ITGA2: variants seen among roughly 807,000 people sequenced by gnomAD.
ITGA2 encodes the protein integrin alpha-2.
In ITGA2, 101 loss-of-function variants were observed where a neutral mutation model predicts 146.3. The ratio of observed to expected loss-of-function variants is 0.69; its 90% CI spans 0.59 to 0.81. The LOEUF is 0.81. ITGA2 is among the 40% of genes least tolerant of loss of function. ITGA2 has a pLI of 0.00. For synonymous variants in ITGA2, 477 were observed against 487.1 expected (o/e 0.98, Z 0.27); for missense variants, 1,281 against 1,402.7 (o/e 0.91, Z 1.39).
intron 1 of ITGA2, among the ~76,000 whole-genome samples, chr5:53,012,544 T>C (rs153142): frequency 0.22 from 32,874 of 152,082 alleles, 3,870 homozygotes; most frequent in East Asian, 0.38. Context: ...CTATTGTGAA[T>C]AGCACTGCAA....
intron 1 of ITGA2, among the ~76,000 whole-genome samples, chr5:53,019,610 C>G (rs1433198892): frequency 6.6e-6 from 1 of 152,166 alleles, no homozygotes; most frequent in Non-Finnish European, 1.5e-5. Flanking sequence ...ACTCCAACTT[C>G]CACCTCCTGG....
chr5:53,062,011 T>A (rs1340451175), intron 12 of ITGA2, among the ~76,000 whole-genome samples: 9 of 151,868 alleles, frequency 5.9e-5, no homozygotes, highest in Admixed American at 2.0e-4. Flanking sequence ...CATTTCTTAG[T>A]CATTTCTAAA....
intron 1 of ITGA2, among the ~76,000 whole-genome samples, chr5:53,020,362 A>G: frequency 6.6e-6 from 1 of 152,334 alleles, no homozygotes; most frequent in East Asian, 1.9e-4. Flanking sequence ...AAGTGTTATT[A>G]TGTGACCATT....
intron 9 of ITGA2, among the ~76,000 whole-genome samples, chr5:53,057,600 A>G (rs1197236772): frequency 6.6e-6 from 1 of 152,002 alleles, no homozygotes; most frequent in African/African-American, 2.4e-5. Context: ...CATCTGAGAT[A>G]TGTGTACATT....
Position 53,077,959 on chromosome 5 carries a change from T to TC in ITGA2, c.2826-808dup, listed in dbSNP as rs1458013068. 2.0e-5 allele frequency among the ~76,000 whole-genome samples: 3 copies of TC among 151,744 alleles called. No homozygotes were observed. In the East Asian group the frequency reaches 5.8e-4, roughly 29 times the overall value. On this transcript the variant is annotated intron_variant, in intron 23 of 29. Transcript: ENST00000296585. The stretch of plus-strand genomic sequence containing the variant: ...CCTACCCTCACTGCTCATCCCCTAA[T>TC]CCCCCACGCAAAGAAGCTACCCTGG...
intron 1 of ITGA2, among the ~76,000 whole-genome samples, chr5:53,021,538 T>C (rs1415208155): frequency 6.6e-6 from 1 of 152,144 alleles, no homozygotes; most frequent in East Asian, 1.9e-4. Context: ...CCTAATTGTG[T>C]CCCCTGTGTC....
rs377086744 is a variant in ITGA2, at chr5:53,074,384, G to A, written c.2572-1G>A. 2 of 1,611,674 alleles carry A rather than the reference G, an allele frequency of 1.2e-6. No homozygotes were observed. Among genetic ancestry groups the A allele is most frequent in the Non-Finnish European group, 1.7e-6 (2 of 1,178,470 alleles). On this transcript the variant is annotated splice_acceptor_variant, in intron 20 of 29. Coordinates refer to ENST00000296585, the MANE Select transcript of ITGA2 (RefSeq NM_002203.4). LOFTEE classifies it high-confidence loss of function. ...ATTGTTGTTTCCTTGGTCTTGTTCA[G>A]GTTGATGGGACAGAAGTAACATGCC...
intron 9 of ITGA2, among the ~76,000 whole-genome samples, chr5:53,057,683 TATC>T (rs1390281392): frequency 6.6e-6 from 1 of 151,988 alleles, no homozygotes; most frequent in Non-Finnish European, 1.5e-5. Flanking sequence ...TTTAAAAAAT[TATC>T]ATCTCAGTTT....
rs1466464707 is a variant in ITGA2 at position 53,007,524 on chromosome 5, AAG to A, written c.64+17996_64+17997del. On this transcript the variant is annotated intron_variant, in intron 1 of 29. Transcript: ENST00000296585. ...AACGGGGAGAGAGAGAGAAAAAAAA[AAG>A]AGAAAGTTTATCCTTTCACATAGAA... Among the ~76,000 whole-genome samples the A allele has an allele frequency of 3.9e-5, 6 of 152,254 alleles. No individual in the cohort carries two copies. In the East Asian group the frequency reaches 1.2e-3, roughly 29 times the overall value.
rs202180218 is a variant in ITGA2, at chr5:53,090,686, A to AT, written c.*95dup. ...GAATGGATTTCTTTTTAAATCCCAT[A>AT]TTTTTTTTATCATGTCGTAGGTAAA... On this transcript the variant is annotated 3_prime_UTR_variant, in exon 30 of 30. Transcript: ENST00000296585. The AT allele has an allele frequency of 7.4e-3, 6,771 of 911,436 alleles. 66 individuals are homozygous for AT. The highest frequency in any genetic ancestry group is 0.063 in the East Asian group (1,724 of 27,408). The allele number at this position is 911,436 out of a possible 1,614,324, so 56.5% of individuals were successfully genotyped here.
intron 27 of ITGA2, among the ~76,000 whole-genome samples, chr5:53,085,386 T>C (rs3212632): frequency 0.071 from 10,791 of 152,282 alleles, 425 homozygotes; most frequent in Non-Finnish European, 0.083. Context: ...GTGTGTGGCA[T>C]GCTTACCTCT....
rs60048365 is a variant in ITGA2 at position 53,063,859 on chromosome 5, T to A, written c.1602+930T>A. ...AATCCCCCCTTCTTTAAATATTTCT[T>A]ACTTGTGAGATATACTGAATTATCA... On this transcript the variant is annotated intron_variant, in intron 13 of 29. Transcript: ENST00000296585. Among the ~76,000 whole-genome samples, 449 of 152,008 alleles carry A rather than the reference T, an allele frequency of 3.0e-3. 4 individuals are homozygous for A. In the East Asian group the frequency reaches 0.042, roughly 14 times the overall value.
chr5:53,082,768 A>G lies in ITGA2; in HGVS notation c.3145-572A>G, dbSNP rs887748852. Among the ~76,000 whole-genome samples the G allele has an allele frequency of 2.6e-5, 4 of 152,186 alleles. No individual in the cohort carries two copies. The East Asian group carries it at 5.8e-4, about 22-fold the overall frequency. The stretch of plus-strand genomic sequence containing the variant: ...ATTTGACAAATGTAAAATGACATGT[A>G]TCCACCACTATAGTATCATACAGTG... On this transcript the variant is annotated intron_variant, in intron 26 of 29. Transcript: ENST00000296585.
Position 53,090,814 on chromosome 5 carries a change from T to C in ITGA2, c.*215T>C. ...GCAGGTAGGGAAATAATAGGGAAAA[T>C]ACCTATTTTATATGATGGGGGAAAA... On this transcript the variant is annotated 3_prime_UTR_variant, in exon 30 of 30. Coordinates refer to ENST00000296585, the MANE Select transcript of ITGA2 (RefSeq NM_002203.4). 2 of 608,316 alleles carry C rather than the reference T, an allele frequency of 3.3e-6. No homozygotes were observed. Among genetic ancestry groups the C allele is most frequent in the Non-Finnish European group, 2.9e-6 (1 of 340,986 alleles). The allele number at this position is 608,316 out of a possible 1,614,324, so 37.7% of individuals were successfully genotyped here. A position where few individuals can be genotyped will look rare whatever the true frequency, so the allele number is the denominator to read the frequency against.
intron 3 of ITGA2, among the ~76,000 whole-genome samples, chr5:53,042,519 A>C (rs1046698715): frequency 4.6e-5 from 7 of 152,164 alleles, no homozygotes; most frequent in African/African-American, 1.7e-4. Context: ...GCTATCCTTG[A>C]ATCCGAGGCT....
chr5:53,002,921 T>C (rs1226758845), intron 1 of ITGA2, among the ~76,000 whole-genome samples: 2 of 152,200 alleles, frequency 1.3e-5, no homozygotes, highest in African/African-American at 4.8e-5. Flanking sequence ...CAAGTTACGA[T>C]TTAAAAATGC....
intron 7 of ITGA2, among the ~76,000 whole-genome samples, chr5:53,055,037 A>G (rs886632158): frequency 3.3e-5 from 5 of 152,158 alleles, no homozygotes; most frequent in African/African-American, 1.2e-4. Context: ...TTCTAGAAGG[A>G]AATGCAAGAA....
intron 12 of ITGA2, among the ~76,000 whole-genome samples, chr5:53,061,942 AT>A (rs1171540925): frequency 2.0e-5 from 3 of 151,892 alleles, no homozygotes; most frequent in African/African-American, 7.2e-5. Context: ...CTTTTTTAAT[AT>A]TTTAAAGAAG....
At chr5:53,018,626 C>T (rs1233343281) in intron 1 of ITGA2, among the ~76,000 whole-genome samples, 1 of 152,136 alleles carries the variant, frequency 6.6e-6, no homozygotes, top group East Asian at 1.9e-4. Flanking sequence ...CGGGCTGCCT[C>T]TAGTCAGCCA....
Sources: allele counts gnomAD v4.1 joint callset (sites outside exome capture counted in the v4.1 genomes callset), GRCh38; gene constraint gnomAD v4.1.1; transcripts MANE v1.5; gene names NCBI Gene and HGNC (gene_info 2026-07-23, HGNC 2026-07-21).